The following CDCP2 variants were observed in gnomAD, a reference collection of about 807,000 sequenced individuals.
CDCP2 encodes CUB domain containing protein 2, also known as CUB domain-containing protein 2.
Under a neutral mutation model 31.0 loss-of-function variants are expected in CDCP2, and 31 were observed. The observed-to-expected ratio is 1.00, with a 90% CI of 0.75 to 1.35. CDCP2 has a LOEUF of 1.35. Among genes scored for constraint, CDCP2 ranks in the 40% most tolerant of loss-of-function variants. The probability of loss-of-function intolerance (pLI) is 0.00; values close to 1 mark genes in which losing one functional copy is unlikely to be tolerated. For missense variants in CDCP2, 443 were observed against 482.6 expected (o/e 0.92, Z 0.77); for synonymous variants, 206 against 207.9 (o/e 0.99, Z 0.08).
intron 4 of CDCP2, chr1:54,137,695 G>GTGTGTGTGTGTGCGTA (rs1374217779): frequency 1.3e-5 from 2 of 152,092 alleles, no homozygotes; most frequent in Admixed American, 1.3e-4. Flanking sequence ...GTGTGTGTGT[G>GTGTGTGTGTGTGCGTA]TGTGTGTGTG....
intron 5 of CDCP2, 23 bp from the exon 6 acceptor site, chr1:54,133,317 T>C: frequency 7.5e-6 from 3 of 399,028 alleles, no homozygotes; most frequent in Admixed American, 8.8e-5. Flanking sequence ...AGGGTACTCA[T>C]CACACCTGAA....
At chr1:54,152,998 G>C, upstream of CDCP2, 1 of 1,402,414 alleles carries the variant, frequency 7.1e-7, no homozygotes, top group Non-Finnish European at 1.0e-6. Flanking sequence ...AAGGGAAAGA[G>C]AGGTGAGGCT....
At chr1:54,144,531 A>G (rs1443920189) in exon 2 of CDCP2, 3 of 1,611,354 alleles carry the variant, frequency 1.9e-6, no homozygotes, top group Non-Finnish European at 2.5e-6. Flanking sequence ...GATGACAGAC[A>G]TGACATGCCA....
rs141104984 is a variant in CDCP2 at position 54,139,624 on chromosome 1, G to A, written c.1117+129C>T. On this transcript the variant is annotated intron_variant, in intron 4 of 5. Transcript: ENST00000530059. ...GGGCAAGGGTGTAGCCAATGGAGAA[G>A]GAGCTGGAGAAGACCATTCATGGGG... 6.9e-6 allele frequency: 11 copies of A among 1,589,702 alleles called. No homozygotes were observed. In the Admixed American group the frequency reaches 2.0e-4, roughly 28 times the overall value.
At chr1:54,144,508 T>C (rs1276770476) in exon 2 of CDCP2, 10 of 1,601,280 alleles carry the variant, frequency 6.2e-6, no homozygotes, top group Non-Finnish European at 6.8e-6. Context: ...GCCACATGCT[T>C]GTCCGAGTGG....
intron 1 of CDCP2, among the ~76,000 whole-genome samples, 190 bp downstream of exon 1, chr1:54,152,654 C>A (rs1281193829): frequency 6.6e-6 from 1 of 152,198 alleles, no homozygotes; most frequent in Admixed American, 6.5e-5. Context: ...ACATGTGAAA[C>A]ATGCAACACA....
At chr1:54,152,353 A>G (rs1308526244) in intron 1 of CDCP2, among the ~76,000 whole-genome samples, 1 of 151,884 alleles carries the variant, frequency 6.6e-6, no homozygotes, top group African/African-American at 2.4e-5. Context: ...AATCCCTGCT[A>G]CTCGAGAGGC....
Position 54,144,448 on chromosome 1 carries a change from C to T in CDCP2, c.427+18G>A. 2 of 1,552,618 alleles carry T rather than the reference C, an allele frequency of 1.3e-6. No homozygotes were observed. The highest frequency in any genetic ancestry group is 1.7e-6 in the Non-Finnish European group (2 of 1,147,014). On this transcript the variant is annotated intron_variant, in intron 2 of 5. Coordinates refer to ENST00000530059, the Ensembl canonical transcript of CDCP2. Reference sequence around the variant, plus strand: ...AGGTGTGAGCCACTGCAACAGGTCCCTAAGGCCCCCCGTTGACCTTTCTGG... The same window carrying T: ...AGGTGTGAGCCACTGCAACAGGTCCTTAAGGCCCCCCGTTGACCTTTCTGG...
At chr1:54,148,196 AT>A (rs891184615) in intron 1 of CDCP2, among the ~76,000 whole-genome samples, 3 of 150,464 alleles carry the variant, frequency 2.0e-5, no homozygotes, top group Middle Eastern at 3.4e-3. Flanking sequence ...AAATGTTTGA[AT>A]TTTTTTTTAC....
intron 1 of CDCP2, among the ~76,000 whole-genome samples, chr1:54,150,809 T>C (rs1436941236): frequency 6.6e-6 from 1 of 152,146 alleles, no homozygotes; most frequent in Non-Finnish European, 1.5e-5. Context: ...TGAGTTTCTG[T>C]CACTTGCAAC....
At chr1:54,134,270 C>T (rs1167342234) in intron 5 of CDCP2, among the ~76,000 whole-genome samples, 1 of 152,224 alleles carries the variant, frequency 6.6e-6, no homozygotes, top group African/African-American at 2.4e-5. Context: ...CCGATGATAT[C>T]TGCAGTAGGT....
At chr1:54,144,710 C>T (rs901707181) in exon 2 of CDCP2, 6 of 1,614,236 alleles carry the variant, frequency 3.7e-6, no homozygotes, top group Non-Finnish European at 5.1e-6. Context: ...CCTCGGCCAC[C>T]ACGATCAGCC....
chr1:54,133,850 C>A (rs1186042946), intron 5 of CDCP2, among the ~76,000 whole-genome samples: 2 of 148,824 alleles, frequency 1.3e-5, no homozygotes, highest in South Asian at 2.1e-4. Context: ...GAGCTGAGAT[C>A]GAGCCACTGC....
intron 1 of CDCP2, among the ~76,000 whole-genome samples, chr1:54,146,948 C>T (rs968615244): frequency 2.6e-5 from 4 of 151,128 alleles, no homozygotes; most frequent in African/African-American, 9.8e-5. Flanking sequence ...TGGTGGTGCA[C>T]GCCTGTAATC....
chr1:54,135,557 T>A (rs1659243723), intron 5 of CDCP2, among the ~76,000 whole-genome samples: 3 of 152,114 alleles, frequency 2.0e-5, no homozygotes, highest in African/African-American at 4.8e-5. Flanking sequence ...TGTCTATGAG[T>A]CATTGGTTCT....
Position 54,136,617 on chromosome 1 carries a change from C to A in CDCP2, c.1296+13G>T, listed in dbSNP as rs1659261366. On this transcript the variant is annotated intron_variant, in intron 5 of 5. Coordinates refer to ENST00000530059, the Ensembl canonical transcript of CDCP2. ...GTCCCTCCCTTGTGACTGCCCCTTC[C>A]CCCAGCCCCTACCTGAGACTCAGTG... 1 of 399,064 alleles carries A rather than the reference C, an allele frequency of 2.5e-6. No homozygotes were observed. The highest frequency in any genetic ancestry group is 2.1e-5 in the African/African-American group (1 of 48,634). 24.7% of individuals were successfully genotyped at this position (399,064 alleles called of 1,614,324 possible).
chr1:54,144,892 C>A, intron 1 of CDCP2, 79 bp from the exon 2 acceptor site: 1 of 1,085,140 alleles, frequency 9.2e-7, no homozygotes, highest in Non-Finnish European at 1.3e-6. Flanking sequence ...GGCCCAGCTA[C>A]AAAGCTGGGT....
At chr1:54,149,146 A>C (rs1442775495) in intron 1 of CDCP2, among the ~76,000 whole-genome samples, 1 of 151,514 alleles carries the variant, frequency 6.6e-6, no homozygotes, top group African/African-American at 2.4e-5. Context: ...CAGGAGGACC[A>C]CTTGAGCCCA....
In CDCP2 at chr1:54,144,221, TAA is replaced by T. The variant is rs1659420969; in HGVS notation, c.427+243_427+244del. 2 of 440,410 alleles carry T rather than the reference TAA, an allele frequency of 4.5e-6. 1 individual carries two copies. The highest frequency in any genetic ancestry group is 1.2e-3 in the Middle Eastern group (2 of 1,676). The allele number at this position is 440,410 out of a possible 1,614,324, so 27.3% of individuals were successfully genotyped here. On this transcript the variant is annotated intron_variant, in intron 2 of 5. Coordinates refer to ENST00000530059, the Ensembl canonical transcript of CDCP2. Reference sequence around the variant, plus strand: ...CAGTGAGGAGGCTGCTTTTGCCTTATAAACTATGCATGAGAGCTGGGTCCTGC... The same window carrying T: ...CAGTGAGGAGGCTGCTTTTGCCTTATACTATGCATGAGAGCTGGGTCCTGC...
Sources: allele counts gnomAD v4.1 joint callset (sites outside exome capture counted in the v4.1 genomes callset), GRCh38; gene constraint gnomAD v4.1.1; transcripts MANE v1.5; gene names NCBI Gene and HGNC (gene_info 2026-07-23, HGNC 2026-07-21).